Variants in BMPER observed in about 807,000 individuals in gnomAD.
The protein encoded by BMPER is BMP-binding endothelial regulator protein.
A neutral mutation model predicts 87.3 loss-of-function variants in BMPER; 45 were observed. The observed-to-expected ratio is 0.52, with a 90% CI of 0.41 to 0.66. The LOEUF (loss-of-function observed/expected upper bound fraction) is 0.66. Among genes scored for constraint, BMPER ranks in the 30% least tolerant of loss-of-function variants. The pLI is 0.00. For synonymous variants in BMPER, 326 were observed against 316.2 expected, an observed-to-expected ratio of 1.03 and a Z score of -0.33; for missense variants, 784 against 867.5, an observed-to-expected ratio of 0.90 and a Z score of 1.21.
At chr7:33,956,806 G>A (rs1785159004) in intron 3 of BMPER, among the ~76,000 whole-genome samples, 1 of 152,152 alleles carries the variant, frequency 6.6e-6, no homozygotes, top group Non-Finnish European at 1.5e-5. Context: ...TACAAAATAT[G>A]TGTTAATCAA....
At chr7:34,002,170 G>A (rs1165209539) in intron 6 of BMPER, among the ~76,000 whole-genome samples, 1 of 151,694 alleles carries the variant, frequency 6.6e-6, no homozygotes, top group African/African-American at 2.4e-5. Context: ...GTAGACAGAT[G>A]ACCTCTGACT....
At chr7:34,120,038 C>A (rs888072464) in intron 13 of BMPER, among the ~76,000 whole-genome samples, 8 of 152,036 alleles carry the variant, frequency 5.3e-5, no homozygotes, top group African/African-American at 1.9e-4. Flanking sequence ...ATAACATTGA[C>A]TTCACATTTA....
intron 8 of BMPER, among the ~76,000 whole-genome samples, chr7:34,054,260 A>G (rs960213533): frequency 2.6e-5 from 4 of 152,162 alleles, no homozygotes; most frequent in Non-Finnish European, 5.9e-5. Context: ...TGATATGTAC[A>G]TAAAGCACGC....
chr7:34,059,895 C>T (rs1788390270), intron 10 of BMPER, among the ~76,000 whole-genome samples: 2 of 151,978 alleles, frequency 1.3e-5, no homozygotes, highest in Admixed American at 6.6e-5. Flanking sequence ...GCCTCTCCTC[C>T]CCCATCCTGC....
In BMPER at chr7:33,968,784, G is replaced by A. The variant is rs190489059; in HGVS notation, c.403-1545G>A. On this transcript the variant is annotated intron_variant, in intron 4 of 14. Coordinates refer to ENST00000649409, the MANE Select transcript of BMPER (RefSeq NM_001365308.1). ...CTGTTTCTTATATCTTCCTACCAAG[G>A]GAGCTCTGATGGTGAGAAATTTACC... 5.8e-4 allele frequency among the ~76,000 whole-genome samples: 89 copies of A among 152,176 alleles called. 1 individual carries two copies. The highest frequency in any genetic ancestry group is 5.6e-3 in the Admixed American group (86 of 15,294).
chr7:34,063,824 G>A (rs1442737774), intron 11 of BMPER, among the ~76,000 whole-genome samples: 2 of 152,236 alleles, frequency 1.3e-5, no homozygotes, highest in East Asian at 3.9e-4. Flanking sequence ...CCATGTCAAT[G>A]GAGATGTTTG....
rs561059359 is a variant in BMPER, at chr7:33,977,713, TA to T, written c.576+2930del. 6.2e-4 allele frequency among the ~76,000 whole-genome samples: 95 copies of T among 152,334 alleles called. 1 individual carries two copies. The highest frequency in any genetic ancestry group is 2.1e-4 in the Non-Finnish European group (14 of 68,036). ...CATGTATATAGTATTTATGTGACTA[TA>T]TATTTGTATATCTCTATATCTGTAA... On this transcript the variant is annotated intron_variant, in intron 6 of 14. Transcript: ENST00000649409.
At position 33,963,521 on chromosome 7, in the gene BMPER, C is replaced by T. The variant is rs570739053; in HGVS notation, c.320-2958C>T. Among the ~76,000 whole-genome samples the T allele has an allele frequency of 6.4e-4, 98 of 152,240 alleles. 1 individual carries two copies. Among genetic ancestry groups the T allele is most frequent in the Non-Finnish European group, 1.2e-3 (85 of 68,020 alleles). On this transcript the variant is annotated intron_variant, in intron 3 of 14. Transcript: ENST00000649409. Reference sequence around the variant, plus strand: ...AAAAAACAAAAACAAAGGCTGGGCGCGGTGGCTCATGCCTGTAATCCCAGC... The same window carrying T: ...AAAAAACAAAAACAAAGGCTGGGCGTGGTGGCTCATGCCTGTAATCCCAGC...
Position 34,003,069 on chromosome 7 carries a change from T to A in BMPER, c.576+28285T>A, listed in dbSNP as rs187344956. Reference sequence around the variant, plus strand: ...GATGTTTTGCTGGTTTTTGTATGTCTTATGTCTTTTTTGTTCTGCAGTTCC... The same window carrying A: ...GATGTTTTGCTGGTTTTTGTATGTCATATGTCTTTTTTGTTCTGCAGTTCC... On this transcript the variant is annotated intron_variant, in intron 6 of 14. Coordinates refer to ENST00000649409, the MANE Select transcript of BMPER (RefSeq NM_001365308.1). 1.1e-3 allele frequency among the ~76,000 whole-genome samples: 162 copies of A among 151,962 alleles called. 1 individual carries two copies. Among genetic ancestry groups the A allele is most frequent in the African/African-American group, 3.7e-3 (155 of 41,564 alleles).
At chr7:33,960,097 A>G (rs889124520) in intron 3 of BMPER, among the ~76,000 whole-genome samples, 5 of 152,242 alleles carry the variant, frequency 3.3e-5, no homozygotes, top group African/African-American at 1.2e-4. Flanking sequence ...AAGCTAAAAA[A>G]GCAATGAAAA....
rs149707242 is a variant in BMPER, at chr7:34,007,895, G to C, written c.576+33111G>C. 8.6e-3 allele frequency among the ~76,000 whole-genome samples: 1,306 copies of C among 152,004 alleles called. 17 individuals are homozygous for C. The highest frequency in any genetic ancestry group is 0.03 in the African/African-American group (1,235 of 41,498). ...GTACTGTGAAACTGCTCTTTTTGAA[G>C]GCTGCAGTGATATTCACCTCCATTG... On this transcript the variant is annotated intron_variant, in intron 6 of 14. Coordinates refer to ENST00000649409, the MANE Select transcript of BMPER (RefSeq NM_001365308.1).
chr7:34,131,204 C>A (rs1467660710), intron 13 of BMPER, among the ~76,000 whole-genome samples: 2 of 151,966 alleles, frequency 1.3e-5, no homozygotes, highest in Non-Finnish European at 2.9e-5. Flanking sequence ...AGGATGGTGG[C>A]GTGCCAGCCC....
chr7:34,076,473 T>C (rs1444542713), intron 11 of BMPER, among the ~76,000 whole-genome samples: 2 of 152,138 alleles, frequency 1.3e-5, no homozygotes, highest in Admixed American at 6.5e-5. Context: ...ATCCTGTACA[T>C]ATAATTTTGT....
At chr7:34,139,474 C>A (rs1022751116) in intron 13 of BMPER, among the ~76,000 whole-genome samples, 1 of 152,130 alleles carries the variant, frequency 6.6e-6, no homozygotes, top group African/African-American at 2.4e-5. Flanking sequence ...TGATGTTTCC[C>A]TTTTTAGAAA....
intron 2 of BMPER, among the ~76,000 whole-genome samples, chr7:33,933,006 A>G (rs913851673): frequency 6.6e-6 from 1 of 152,174 alleles, no homozygotes; most frequent in Non-Finnish European, 1.5e-5. Context: ...AGGCTCTGGC[A>G]GTCTCAAGGC....
intron 13 of BMPER, among the ~76,000 whole-genome samples, chr7:34,140,297 G>C (rs1790830689): frequency 6.6e-6 from 1 of 152,190 alleles, no homozygotes; most frequent in Non-Finnish European, 1.5e-5. Flanking sequence ...GGGGATGACT[G>C]CTTCTCCATT....
At chr7:34,007,665 G>A (rs943643073) in intron 6 of BMPER, among the ~76,000 whole-genome samples, 5 of 151,926 alleles carry the variant, frequency 3.3e-5, no homozygotes, top group East Asian at 1.9e-4. Flanking sequence ...TTATTCCATT[G>A]ATAGATACAG....
chr7:34,099,697 T>C (rs1789625825), intron 13 of BMPER, among the ~76,000 whole-genome samples: 1 of 152,256 alleles, frequency 6.6e-6, no homozygotes, highest in Non-Finnish European at 1.5e-5. Flanking sequence ...GAATTCATCA[T>C]GGAATTAGGA....
intron 6 of BMPER, among the ~76,000 whole-genome samples, chr7:33,986,497 C>T (rs998243703): frequency 1.3e-5 from 2 of 152,142 alleles, no homozygotes; most frequent in Non-Finnish European, 1.5e-5. Context: ...TTCTACCTTC[C>T]TACTTTGGTC....
Sources: allele counts gnomAD v4.1 joint callset (sites outside exome capture counted in the v4.1 genomes callset), GRCh38; gene constraint gnomAD v4.1.1; transcripts MANE v1.5; gene names NCBI Gene and HGNC (gene_info 2026-07-23, HGNC 2026-07-21).